UTRN: variants seen among roughly 807,000 people sequenced by gnomAD.
The protein encoded by UTRN is dystrophin-related protein 1.
UTRN carries 283 observed loss-of-function variants against 463.9 expected under a neutral mutation model. The ratio of observed to expected loss-of-function variants is 0.61; its 90% CI spans 0.55 to 0.67. The LOEUF (loss-of-function observed/expected upper bound fraction) is 0.67, where lower values mean the gene tolerates loss of function less well. UTRN is among the 30% of genes least tolerant of loss of function. The pLI is 0.00. For missense variants in UTRN, 3,922 were observed against 4,084.3 expected (o/e 0.96, Z 1.08); for synonymous variants, 1,442 against 1,431.5 (o/e 1.01, Z -0.17).
At chr6:144,357,146 G>T (rs187613277) in intron 2 of UTRN, among the ~76,000 whole-genome samples, 28 of 152,222 alleles carry the variant, frequency 1.8e-4, no homozygotes, top group African/African-American at 6.7e-4. Context: ...TGGAGCACAT[G>T]GGTGTGGAAT....
chr6:144,442,048 G>A (rs972663530), intron 13 of UTRN, among the ~76,000 whole-genome samples: 1 of 152,172 alleles, frequency 6.6e-6, no homozygotes, highest in Non-Finnish European at 1.5e-5. Flanking sequence ...TGTGATGGGA[G>A]GGGCTGATGT....
chr6:144,738,109 C>A (rs988143064), intron 54 of UTRN, among the ~76,000 whole-genome samples: 1 of 152,158 alleles, frequency 6.6e-6, no homozygotes, highest in East Asian at 1.9e-4. Context: ...ACTTCCTTAA[C>A]CTCTGGATTT....
chr6:144,439,769 C>T (rs1323788075), intron 12 of UTRN, among the ~76,000 whole-genome samples: 8 of 152,190 alleles, frequency 5.3e-5, no homozygotes, highest in Admixed American at 4.6e-4. Flanking sequence ...TCCCAAAGTG[C>T]TGGGATTACA....
At chr6:144,330,847 G>A (rs1404119911) in intron 2 of UTRN, 2 of 985,274 alleles carry the variant, frequency 2.0e-6, no homozygotes, top group East Asian at 2.3e-4. Flanking sequence ...TTTTCAATTT[G>A]ACTCCATCAA....
intron 51 of UTRN, among the ~76,000 whole-genome samples, chr6:144,598,479 T>C (rs904471502): frequency 2.0e-5 from 3 of 152,184 alleles, no homozygotes; most frequent in East Asian, 1.9e-4. Context: ...AGATTGTAAA[T>C]GTTTCTTATC....
intron 51 of UTRN, among the ~76,000 whole-genome samples, chr6:144,662,820 A>C (rs551116814): frequency 1.3e-5 from 2 of 152,120 alleles, no homozygotes; most frequent in African/African-American, 4.8e-5. Context: ...TTAAGACAGC[A>C]GTTTTTTTGT....
intron 51 of UTRN, among the ~76,000 whole-genome samples, chr6:144,649,143 C>T (rs1220817323): frequency 1.3e-5 from 2 of 151,824 alleles, no homozygotes; most frequent in African/African-American, 4.8e-5. Context: ...TTGAATTGGT[C>T]CTCAGTGGGT....
At chr6:144,583,632 G>A (rs1562606059) in intron 51 of UTRN, 1 of 611,928 alleles carries the variant, frequency 1.6e-6, no homozygotes, top group East Asian at 2.9e-5. Flanking sequence ...AGGATCTCGG[G>A]TGTCTGACAG....
At chr6:144,762,510 C>T (rs781269092) in intron 58 of UTRN, among the ~76,000 whole-genome samples, 12 of 152,148 alleles carry the variant, frequency 7.9e-5, no homozygotes, top group Admixed American at 2.6e-4. Context: ...TCCACACTGC[C>T]GTTGTATAGG....
intron 2 of UTRN, among the ~76,000 whole-genome samples, chr6:144,393,725 T>G (rs1782147731): frequency 6.6e-6 from 1 of 152,122 alleles, no homozygotes; most frequent in Admixed American, 6.5e-5. Flanking sequence ...GGAGGTGGGT[T>G]CTGAAAATGA....
chr6:144,707,923 G>A (rs1315313106), intron 53 of UTRN, among the ~76,000 whole-genome samples: 1 of 151,980 alleles, frequency 6.6e-6, no homozygotes, highest in Non-Finnish European at 1.5e-5. Flanking sequence ...TTAAGTTCTA[G>A]GATACTCAGA....
chr6:144,534,678 T>A (rs1251023644), intron 43 of UTRN, among the ~76,000 whole-genome samples: 2 of 152,334 alleles, frequency 1.3e-5, no homozygotes, highest in Non-Finnish European at 2.9e-5. Flanking sequence ...TATTGAGCTC[T>A]ATGTTTAGCA....
At chr6:144,797,751 A>T in intron 63 of UTRN, 73 bp from the exon 64 acceptor site, 2 of 1,477,742 alleles carry the variant, frequency 1.4e-6, no homozygotes, top group Non-Finnish European at 1.8e-6. Context: ...TCAGAAGATT[A>T]TGAAGCAACA....
intron 19 of UTRN, among the ~76,000 whole-genome samples, chr6:144,454,979 A>T (rs79193492): frequency 3.3e-5 from 5 of 152,092 alleles, no homozygotes; most frequent in Non-Finnish European, 7.4e-5. Context: ...ACAACTGTTC[A>T]TGTTGTTTTG....
chr6:144,567,236 C>G (rs982082396), intron 50 of UTRN, among the ~76,000 whole-genome samples: 1 of 152,102 alleles, frequency 6.6e-6, no homozygotes, highest in Non-Finnish European at 1.5e-5. Flanking sequence ...ATGGAAGGTA[C>G]AGCAGAGTCT....
chr6:144,450,481 A>T (rs1394548922), intron 17 of UTRN, among the ~76,000 whole-genome samples: 5 of 152,204 alleles, frequency 3.3e-5, no homozygotes, highest in Non-Finnish European at 7.3e-5. Flanking sequence ...TTAGGAAGCC[A>T]TCCATGCCCC....
At chr6:144,642,485 C>T (rs1311967220) in intron 51 of UTRN, among the ~76,000 whole-genome samples, 1 of 152,088 alleles carries the variant, frequency 6.6e-6, no homozygotes, top group Non-Finnish European at 1.5e-5. Context: ...CTTGCCTTCC[C>T]CTTGTTCAGA....
At position 144,485,678 on chromosome 6, in the gene UTRN, C is replaced by T. The variant is rs74830530; in HGVS notation, c.3822+159C>T. 7.3e-4 allele frequency among the ~76,000 whole-genome samples: 111 copies of T among 152,338 alleles called. 1 individual carries two copies. The East Asian group carries it at 8.1e-3, about 11-fold the overall frequency. On this transcript the variant is annotated intron_variant, in intron 28 of 74. Transcript: ENST00000367545. ...TCTTCCATAGCCTGAAGTGTTTATA[C>T]AATCATGTGTATTTAGATTATTGGT...
chr6:144,581,022 A>G (rs537293642), intron 51 of UTRN, among the ~76,000 whole-genome samples: 1 of 152,318 alleles, frequency 6.6e-6, no homozygotes, highest in East Asian at 1.9e-4. Flanking sequence ...GACTGGGAAC[A>G]TAGAAGAAAA....
Sources: allele counts gnomAD v4.1 joint callset (sites outside exome capture counted in the v4.1 genomes callset), GRCh38; gene constraint gnomAD v4.1.1; transcripts MANE v1.5; gene names NCBI Gene and HGNC (gene_info 2026-07-23, HGNC 2026-07-21).